CPED1: variants seen among roughly 807,000 people sequenced by gnomAD.
CPED1 encodes cadherin like and PC-esterase domain containing 1.
In CPED1, 114 loss-of-function variants were observed where a neutral mutation model predicts 128.2. The observed-to-expected ratio is 0.89, with a 90% CI of 0.76 to 1.04. The LOEUF (loss-of-function observed/expected upper bound fraction) is 1.04. CPED1 is among the 50% of genes least tolerant of loss of function. The pLI is 0.00. For missense variants in CPED1, 1,211 were observed against 1,207.1 expected (o/e 1.00, Z -0.05); for synonymous variants, 462 against 426.7 (o/e 1.08, Z -1.02).
At chr7:121,032,663 T>G (rs1472091089) in intron 3 of CPED1, among the ~76,000 whole-genome samples, 1 of 151,948 alleles carries the variant, frequency 6.6e-6, no homozygotes, top group Non-Finnish European at 1.5e-5. Context: ...ACATGTATAC[T>G]TACGTAACAC....
At chr7:121,052,302 A>G (rs971656860) in intron 4 of CPED1, among the ~76,000 whole-genome samples, 7 of 152,170 alleles carry the variant, frequency 4.6e-5, no homozygotes, top group Non-Finnish European at 1.0e-4. Flanking sequence ...TATTTAACTC[A>G]GTTCTTCACT....
chr7:121,221,462 C>A (rs760478978), intron 16 of CPED1, among the ~76,000 whole-genome samples: 3 of 152,160 alleles, frequency 2.0e-5, no homozygotes, highest in Non-Finnish European at 2.9e-5. Context: ...GATTTATAAT[C>A]CTTTGGGTAT....
intron 5 of CPED1, among the ~76,000 whole-genome samples, chr7:121,066,672 C>T (rs73221257): frequency 0.03 from 4,580 of 152,190 alleles, 91 homozygotes; most frequent in Middle Eastern, 0.099. Context: ...TGGTAGAAGA[C>T]ATGAGATGCC....
chr7:121,020,405 T>C (rs943816958), intron 3 of CPED1, among the ~76,000 whole-genome samples: 9 of 151,992 alleles, frequency 5.9e-5, no homozygotes, highest in African/African-American at 2.2e-4. Context: ...CAGCATTTGT[T>C]TTACAAAGGC....
intron 16 of CPED1, among the ~76,000 whole-genome samples, chr7:121,154,721 T>G (rs1428637065): frequency 6.6e-6 from 1 of 151,978 alleles, no homozygotes; most frequent in Non-Finnish European, 1.5e-5. Context: ...AATTTTTGTA[T>G]TTTTAGTAGA....
At chr7:121,099,312 T>C (rs1322230143) in intron 6 of CPED1, among the ~76,000 whole-genome samples, 1 of 152,140 alleles carries the variant, frequency 6.6e-6, no homozygotes, top group Non-Finnish European at 1.5e-5. Flanking sequence ...TATATTTATT[T>C]TTTAAATTCA....
intron 5 of CPED1, among the ~76,000 whole-genome samples, chr7:121,092,496 A>G (rs1794597502): frequency 6.6e-6 from 1 of 152,188 alleles, no homozygotes; most frequent in South Asian, 2.1e-4. Flanking sequence ...AAAAATTAGA[A>G]TCTTTGCCGT....
At chr7:121,134,938 A>T (rs1056770706) in intron 13 of CPED1, among the ~76,000 whole-genome samples, 10 of 152,156 alleles carry the variant, frequency 6.6e-5, no homozygotes, top group Non-Finnish European at 1.3e-4. Context: ...ATAAATTATC[A>T]ACAAATTAAA....
chr7:121,251,868 T>A (rs13230457), intron 18 of CPED1, among the ~76,000 whole-genome samples: 3 of 150,426 alleles, frequency 2.0e-5, no homozygotes, highest in Non-Finnish European at 3.0e-5. Context: ...GAATCAATAT[T>A]GTGAAAATGG....
chr7:121,022,789 CTT>C (rs1414727350), intron 3 of CPED1, among the ~76,000 whole-genome samples: 2 of 152,072 alleles, frequency 1.3e-5, no homozygotes, highest in East Asian at 3.8e-4. Context: ...CGTCATATCA[CTT>C]AGGTCCTATC....
intron 7 of CPED1, among the ~76,000 whole-genome samples, chr7:121,103,533 G>A (rs1467375638): frequency 6.6e-6 from 1 of 152,040 alleles, no homozygotes; most frequent in African/African-American, 2.4e-5. Flanking sequence ...GCTTTCTACT[G>A]GTATTTTTAG....
chr7:121,205,979 T>C (rs1185945234), intron 16 of CPED1, among the ~76,000 whole-genome samples: 1 of 152,078 alleles, frequency 6.6e-6, no homozygotes, highest in Non-Finnish European at 1.5e-5. Context: ...AAGCCTCCAC[T>C]AGACAGCTGC....
chr7:121,039,509 G>A (rs1334003241), intron 3 of CPED1, among the ~76,000 whole-genome samples: 1 of 151,988 alleles, frequency 6.6e-6, no homozygotes, highest in African/African-American at 2.4e-5. Flanking sequence ...GGAGTTTTCT[G>A]ATTTTTAAAT....
intron 16 of CPED1, among the ~76,000 whole-genome samples, chr7:121,220,369 T>C (rs1797849260): frequency 6.6e-6 from 1 of 151,964 alleles, no homozygotes; most frequent in South Asian, 2.1e-4. Context: ...CCTGGAACAT[T>C]TGCTTAACTC....
intron 16 of CPED1, among the ~76,000 whole-genome samples, chr7:121,203,214 A>G (rs1360358718): frequency 6.6e-6 from 1 of 152,008 alleles, no homozygotes; most frequent in South Asian, 2.1e-4. Flanking sequence ...ATCCTTCTAT[A>G]CCTTCACAGA....
chr7:121,110,464 G>T (rs1563029252), intron 7 of CPED1, among the ~76,000 whole-genome samples: 1 of 152,154 alleles, frequency 6.6e-6, no homozygotes, highest in Non-Finnish European at 1.5e-5. Context: ...TAGAAAGATT[G>T]CCCTGAATAG....
chr7:121,093,397 T>TACACACACACACACACACACACACAC (rs10526224), intron 5 of CPED1, among the ~76,000 whole-genome samples: 3 of 145,470 alleles, frequency 2.1e-5, no homozygotes, highest in Admixed American at 6.9e-5. Context: ...CCTTTTTCTG[T>TACACACACACACACACACACACACAC]ACACACACAC....
At chr7:121,154,069 T>C (rs1789316329) in intron 16 of CPED1, among the ~76,000 whole-genome samples, 1 of 152,188 alleles carries the variant, frequency 6.6e-6, no homozygotes, top group East Asian at 1.9e-4. Context: ...AATGTGAAGA[T>C]GAAGTATTAA....
chr7:121,001,993 A>G (rs1221576330), intron 2 of CPED1, among the ~76,000 whole-genome samples: 1 of 152,068 alleles, frequency 6.6e-6, no homozygotes, highest in Non-Finnish European at 1.5e-5. Flanking sequence ...GAAGACACAC[A>G]CACACATATA....
Sources: gnomAD v4.1 joint callset for allele counts (sites outside exome capture counted in the v4.1 genomes callset) on GRCh38, gnomAD v4.1.1 for gene constraint, MANE v1.5 for transcripts, NCBI Gene and HGNC (gene_info 2026-07-23, HGNC 2026-07-21) for gene names.